KCNIP3: variants seen among roughly 807,000 people sequenced by gnomAD.
KCNIP3 encodes calsenilin.
KCNIP3 carries 28 observed loss-of-function variants against 35.0 expected under a neutral mutation model. That is an observed-to-expected ratio of 0.80 (90% CI 0.59 to 1.10). KCNIP3 has a LOEUF of 1.10. Among genes scored for constraint, KCNIP3 ranks in the 50% least tolerant of loss-of-function variants. KCNIP3 has a pLI of 0.00. For synonymous variants in KCNIP3, 134 were observed against 133.8 expected, an observed-to-expected ratio of 1.00 and a Z score of -0.01; for missense variants, 295 against 338.4, an observed-to-expected ratio of 0.87 and a Z score of 1.01.
At chr2:95,331,429 C>G (rs1573495667) in intron 2 of KCNIP3, among the ~76,000 whole-genome samples, 1 of 152,150 alleles carries the variant, frequency 6.6e-6, no homozygotes, top group East Asian at 1.9e-4. Flanking sequence ...GAGATCCTAG[C>G]AGAGGCTTCA....
At chr2:95,324,719 T>A (rs922050484) in intron 2 of KCNIP3, among the ~76,000 whole-genome samples, 1 of 151,788 alleles carries the variant, frequency 6.6e-6, no homozygotes, top group Non-Finnish European at 1.5e-5. Flanking sequence ...GAGACCAGCC[T>A]GGCCAATATG....
At position 95,384,223 on chromosome 2, in the gene KCNIP3, G is replaced by A. The variant is rs1301944444; in HGVS notation, c.*174G>A. The A allele has an allele frequency of 6.5e-6, 4 of 618,912 alleles. No homozygotes were observed. Among genetic ancestry groups the A allele is most frequent in the Admixed American group, 4.7e-5 (2 of 42,516 alleles). The allele number at this position is 618,912 out of a possible 1,614,324, so 38.3% of individuals were successfully genotyped here. A position where few individuals can be genotyped will look rare whatever the true frequency, so the allele number is the denominator to read the frequency against. ...ACACACACAGCCATTCATCTGGGCT[G>A]GCAGAGGGGACAGAGTTCAGGGAGG... On this transcript the variant is annotated 3_prime_UTR_variant, in exon 9 of 9. Transcript: ENST00000295225.
chr2:95,362,294 C>A (rs1679817511), intron 2 of KCNIP3, among the ~76,000 whole-genome samples: 1 of 152,032 alleles, frequency 6.6e-6, no homozygotes, highest in South Asian at 2.1e-4. Flanking sequence ...TTAGTAGAGA[C>A]AGGGTTTCTC....
At chr2:95,361,876 T>C (rs1679807653) in intron 2 of KCNIP3, among the ~76,000 whole-genome samples, 1 of 152,168 alleles carries the variant, frequency 6.6e-6, no homozygotes, top group Non-Finnish European at 1.5e-5. Context: ...CCAGATGTCT[T>C]AGTCTTCTCT....
At chr2:95,373,828 C>T (rs1466960428) in intron 2 of KCNIP3, among the ~76,000 whole-genome samples, 1 of 152,250 alleles carries the variant, frequency 6.6e-6, no homozygotes, top group East Asian at 1.9e-4. Context: ...TGTAGCTGAA[C>T]AGCATCGCCT....
intron 2 of KCNIP3, among the ~76,000 whole-genome samples, chr2:95,331,257 G>A (rs1378900923): frequency 6.6e-6 from 1 of 152,194 alleles, no homozygotes; most frequent in African/African-American, 2.4e-5. Context: ...AGATGTCCTG[G>A]GTGTCTGTTG....
At chr2:95,364,076 C>T (rs1679861693) in intron 2 of KCNIP3, among the ~76,000 whole-genome samples, 1 of 152,104 alleles carries the variant, frequency 6.6e-6, no homozygotes. Context: ...CCAAACTTGT[C>T]CCAAATATTA....
chr2:95,383,966 C>T, intron 8 of KCNIP3, 36 bp from the exon 9 acceptor site: 3 of 1,603,944 alleles, frequency 1.9e-6, no homozygotes, highest in Non-Finnish European at 2.6e-6. Context: ...GGAGCCCACC[C>T]AGCACCTGAA....
At chr2:95,366,414 G>A (rs906985626) in intron 2 of KCNIP3, among the ~76,000 whole-genome samples, 1 of 152,140 alleles carries the variant, frequency 6.6e-6, no homozygotes, top group Non-Finnish European at 1.5e-5. Context: ...CTTGTGTGAT[G>A]TACCACAGCT....
intron 2 of KCNIP3, among the ~76,000 whole-genome samples, chr2:95,358,724 A>T (rs1679718266): frequency 1.3e-5 from 2 of 152,218 alleles, no homozygotes; most frequent in South Asian, 4.1e-4. Flanking sequence ...GGGCACAGGG[A>T]GCAAGAGAGA....
chr2:95,366,132 C>A (rs750038075), intron 2 of KCNIP3, among the ~76,000 whole-genome samples: 1 of 152,124 alleles, frequency 6.6e-6, no homozygotes, highest in Admixed American at 6.5e-5. Context: ...AGGTGTGCAC[C>A]ACCACACCGG....
At chr2:95,346,836 G>T (rs1573504040) in intron 2 of KCNIP3, 2 of 218,524 alleles carry the variant, frequency 9.2e-6, no homozygotes, top group Non-Finnish European at 1.8e-5. Context: ...TGACCCGCTC[G>T]CCGCCGCCGC....
intron 2 of KCNIP3, chr2:95,311,856 C>T (rs144986348): frequency 6.6e-6 from 1 of 152,324 alleles, no homozygotes; most frequent in African/African-American, 2.4e-5. Context: ...CACATGCACC[C>T]CCAACTTCTC....
At chr2:95,336,021 T>C (rs1259578939) in intron 2 of KCNIP3, among the ~76,000 whole-genome samples, 3 of 152,248 alleles carry the variant, frequency 2.0e-5, no homozygotes, top group Non-Finnish European at 4.4e-5. Context: ...GTATTTGCAC[T>C]TCCTTGTCTC....
intron 1 of KCNIP3, among the ~76,000 whole-genome samples, chr2:95,305,305 G>T (rs1678140543): frequency 6.6e-6 from 1 of 152,190 alleles, no homozygotes. Flanking sequence ...CTTTTTGGGT[G>T]CATGAGAGTA....
At chr2:95,381,049 T>C (rs1469528292) in intron 5 of KCNIP3, among the ~76,000 whole-genome samples, 1 of 152,204 alleles carries the variant, frequency 6.6e-6, no homozygotes, top group Non-Finnish European at 1.5e-5. Context: ...CTATTTAATC[T>C]GGAAGTTTTC....
At chr2:95,300,305 C>T (rs150651569) in intron 1 of KCNIP3, among the ~76,000 whole-genome samples, 1 of 152,302 alleles carries the variant, frequency 6.6e-6, no homozygotes, top group Non-Finnish European at 1.5e-5. Flanking sequence ...AAGTAAAGGA[C>T]CCCAACATTT....
rs766096123 is a variant in KCNIP3 at position 95,377,968 on chromosome 2, C to T, written c.447+2760C>T. ...TGCCTGCCCAGGGTCCCCAGGAGAA[C>T]GGTGTGCTCCACGCCTTTGCTACCC... is the stretch of plus-strand genomic sequence containing the variant. On this transcript the variant is annotated intron_variant, in intron 5 of 8. Transcript: ENST00000295225. This position sits in a 1 kb window ranked among gnomAD's most constrained non-coding sequence, Gnocchi z 4.7. Among the ~76,000 whole-genome samples, 46 of 152,252 alleles carry T rather than the reference C, an allele frequency of 3.0e-4. No individual in the cohort carries two copies. The highest frequency in any genetic ancestry group is 6.3e-4 in the Non-Finnish European group (43 of 68,024).
chr2:95,383,859 C>T, intron 8 of KCNIP3, 143 bp from the exon 9 acceptor site: 1 of 746,956 alleles, frequency 1.3e-6, no homozygotes, highest in East Asian at 2.5e-5. Context: ...CTTCACCTCC[C>T]TGTCCCCCAG....
Sources: allele counts gnomAD v4.1 joint callset (sites outside exome capture counted in the v4.1 genomes callset), GRCh38; gene constraint gnomAD v4.1.1; non-coding constraint Gnocchi (gnomAD v3.1); transcripts MANE v1.5; gene names NCBI Gene and HGNC (gene_info 2026-07-23, HGNC 2026-07-21).